The following PYM1 variants were observed in gnomAD, a reference collection of about 807,000 sequenced individuals.
The protein encoded by PYM1 is PYM1 exon junction complex associated factor.
In PYM1, 7 loss-of-function variants were observed where a neutral mutation model predicts 20.7. The ratio of observed to expected loss-of-function variants is 0.34; its 90% CI spans 0.19 to 0.64. The LOEUF is 0.64. Ranked by LOEUF, PYM1 falls within the 30% of genes least tolerant of loss-of-function variation. The pLI is 0.74. For synonymous variants in PYM1, 100 were observed against 99.2 expected (o/e 1.01, Z -0.05); for missense variants, 194 against 250.0 (o/e 0.78, Z 1.51).
chr12:55,905,594 C>A (rs569141030), intron 1 of PYM1, among the ~76,000 whole-genome samples: 8 of 148,996 alleles, frequency 5.4e-5, no homozygotes, highest in South Asian at 2.1e-4. Flanking sequence ...CCTAGCTACC[C>A]GGGAGGCTGA....
Position 55,901,635 on chromosome 12 carries a change from A to C in PYM1, c.*237T>G. 1 of 501,390 alleles carries C rather than the reference A, an allele frequency of 2.0e-6. No individual in the cohort carries two copies. Among genetic ancestry groups the C allele is most frequent in the East Asian group, 3.4e-5 (1 of 29,222 alleles). The allele number at this position is 501,390 out of a possible 1,614,324, so 31.1% of individuals were successfully genotyped here. A position where few individuals can be genotyped will look rare whatever the true frequency, so the allele number is the denominator to read the frequency against. ...AATCAGCAGCAAAGGTACCTGGGGTAGTCACTGAGATTTTGAACACTGGGA... is the reference window on the plus strand; with the variant it reads ...AATCAGCAGCAAAGGTACCTGGGGTCGTCACTGAGATTTTGAACACTGGGA... On this transcript the variant is annotated 3_prime_UTR_variant, in exon 3 of 3. Transcript: ENST00000408946.
intron 1 of PYM1, among the ~76,000 whole-genome samples, chr12:55,915,765 T>C (rs1415227132): frequency 6.6e-6 from 1 of 152,060 alleles, no homozygotes; most frequent in Non-Finnish European, 1.5e-5. Flanking sequence ...GAAAACCTCA[T>C]TTGACACTAA....
intron 1 of PYM1, among the ~76,000 whole-genome samples, chr12:55,913,074 T>C (rs562045812): frequency 6.6e-6 from 1 of 152,360 alleles, no homozygotes; most frequent in East Asian, 1.9e-4. Flanking sequence ...GAATAGACTA[T>C]ATTTGCTTAT....
intron 1 of PYM1, chr12:55,927,176 G>A: frequency 6.4e-7 from 1 of 1,550,562 alleles, no homozygotes; most frequent in Non-Finnish European, 8.7e-7. Flanking sequence ...ACCGGAAGTG[G>A]AGTCCCGATC....
chr12:55,916,424 C>T (rs1270815812), intron 1 of PYM1, among the ~76,000 whole-genome samples: 4 of 152,120 alleles, frequency 2.6e-5, no homozygotes, highest in African/African-American at 9.7e-5. Context: ...CACACCATCG[C>T]ACTGCTGTTC....
intron 2 of PYM1, among the ~76,000 whole-genome samples, chr12:55,902,599 T>A (rs1882714215): frequency 6.6e-6 from 1 of 151,050 alleles, no homozygotes; most frequent in Non-Finnish European, 1.5e-5. Context: ...TGCCTCAGCC[T>A]CCCGGGTAGC....
At chr12:55,926,598 GA>G (rs1883191274) in intron 1 of PYM1, among the ~76,000 whole-genome samples, 1 of 152,170 alleles carries the variant, frequency 6.6e-6, no homozygotes. Flanking sequence ...GAAGATACGG[GA>G]GAGGAAAAGG....
At chr12:55,909,913 C>A (rs183213813) in intron 1 of PYM1, among the ~76,000 whole-genome samples, 1 of 151,948 alleles carries the variant, frequency 6.6e-6, no homozygotes, top group East Asian at 1.9e-4. Flanking sequence ...CAATAAATAG[C>A]GAAAGGTCAG....
chr12:55,905,963 A>AGATATATATATTATATATATCTAT (rs1565714563), intron 1 of PYM1, among the ~76,000 whole-genome samples: 9 of 54,468 alleles, frequency 1.7e-4, no homozygotes, highest in African/African-American at 6.2e-4. Flanking sequence ...TATATATCTA[A>AGATATATATATTATATATATCTAT]TAGATATATA....
chr12:55,901,470 G>T lies in PYM1; in HGVS notation c.*402C>A, dbSNP rs2136254807. The T allele has an allele frequency of 1.3e-5, 2 of 158,276 alleles. No homozygotes were observed. The highest frequency in any genetic ancestry group is 1.4e-5 in the Non-Finnish European group (1 of 73,138). The allele number at this position is 158,276 out of a possible 1,614,324, so 9.8% of individuals were successfully genotyped here. ...CTTTTTTTAAAAAAAAAAAAAAAAT[G>T]AGGGATGGAGAGGGAAATAACCCAT... On this transcript the variant is annotated 3_prime_UTR_variant, in exon 3 of 3. Transcript: ENST00000408946.
In PYM1 at chr12:55,901,946, T is replaced by C. The variant is rs767109883; in HGVS notation, c.541A>G (p.Lys181Glu). 12 of 1,614,152 alleles carry C rather than the reference T, an allele frequency of 7.4e-6. No individual in the cohort carries two copies. Among genetic ancestry groups the C allele is most frequent in the Non-Finnish European group, 1.0e-5 (12 of 1,180,016 alleles). ...IQAGEVSQPSKEQLEKLARRR... is the reference protein window; with the variant it reads ...IQAGEVSQPSEEQLEKLARRR... The stretch of plus-strand genomic sequence containing the variant: ...CTTGCTAGCTTTTCTAGCTGCTCTT[T>C]GCTAGGCTGGCTGACTTCCCCAGCC... Residue 181 changes from lysine (K) to glutamate (E), a missense_variant, in exon 3 of 3, where the codon AAA (lysine) becomes GAA (glutamate). By Grantham distance (56) the Lys-to-Glu change is moderately conservative (BLOSUM62 1). Around this residue, in one of 3 missense-constraint regions of PYM1, gnomAD observed 158 missense variants for 179.0 expected, o/e 0.88. Transcript: ENST00000408946.
intron 1 of PYM1, 79 bp from the exon 2 acceptor site, chr12:55,903,559 A>G: frequency 7.3e-7 from 1 of 1,371,980 alleles, no homozygotes; most frequent in Non-Finnish European, 1.0e-6. Flanking sequence ...GTATAAATGT[A>G]CATACCATCT....
At chr12:55,923,166 G>A (rs1883129670) in intron 1 of PYM1, among the ~76,000 whole-genome samples, 1 of 152,144 alleles carries the variant, frequency 6.6e-6, no homozygotes, top group African/African-American at 2.4e-5. Flanking sequence ...AGAGGTTGCG[G>A]TGAGCTGAGA....
chr12:55,916,322 G>A (rs1328251347), intron 1 of PYM1, among the ~76,000 whole-genome samples: 1 of 151,154 alleles, frequency 6.6e-6, no homozygotes. Flanking sequence ...GTGACAGAGT[G>A]AGACTCCAGC....
intron 1 of PYM1, among the ~76,000 whole-genome samples, chr12:55,909,486 G>A (rs1882882875): frequency 1.3e-5 from 2 of 152,026 alleles, no homozygotes; most frequent in African/African-American, 4.8e-5. Flanking sequence ...AATCCTTTAT[G>A]CGAAGTATTG....
intron 1 of PYM1, chr12:55,927,241 G>A: frequency 1.5e-6 from 2 of 1,322,822 alleles, no homozygotes; most frequent in Non-Finnish European, 2.1e-6. Context: ...CATGGGCGGA[G>A]GTGGAGGAGG....
At chr12:55,905,562 C>T (rs1398231306) in intron 1 of PYM1, among the ~76,000 whole-genome samples, 4 of 149,190 alleles carry the variant, frequency 2.7e-5, no homozygotes, top group Admixed American at 2.1e-4. Context: ...ATTAGCTGGG[C>T]GTGGTGGCAG....
chr12:55,921,333 A>G lies in PYM1; in HGVS notation c.37+6392T>C, dbSNP rs373140008. ...ATAATAATCCTGTGTTGCAGGAGTT[A>G]TTCCAATTTCATTGATGAGAAAACT... is the stretch of plus-strand genomic sequence containing the variant. On this transcript the variant is annotated intron_variant, in intron 1 of 2. Coordinates refer to ENST00000408946, the MANE Select transcript of PYM1 (RefSeq NM_032345.3). Among the ~76,000 whole-genome samples, 107 of 152,332 alleles carry G rather than the reference A, an allele frequency of 7.0e-4. 3 individuals are homozygous for G. The South Asian group carries it at 0.021, about 30-fold the overall frequency.
Position 55,905,854 on chromosome 12 carries a change from A to ATATTAGAGATATATATATC in PYM1, c.38-2375_38-2374insGATATATATATCTCTAATA, listed in dbSNP as rs1882791874. ...TATATATATTAGATATATATATTAT[A>ATATTAGAGATATATATATC]TATTAGATATATATATATCTATTAG... On this transcript the variant is annotated intron_variant, in intron 1 of 2. Transcript: ENST00000408946. Among the ~76,000 whole-genome samples the ATATTAGAGATATATATATC allele has an allele frequency of 8.5e-5, 3 of 35,478 alleles. 1 individual carries two copies. Among genetic ancestry groups the ATATTAGAGATATATATATC allele is most frequent in the African/African-American group, 1.6e-4 (2 of 12,440 alleles). The allele number at this position is 35,478 out of a possible 152,430, so 23.3% of individuals were successfully genotyped here.
Sources: gnomAD v4.1 joint callset for allele counts (sites outside exome capture counted in the v4.1 genomes callset) on GRCh38, gnomAD v4.1.1 for gene constraint, gnomAD v4.1.1 regional missense constraint, MANE v1.5 for transcripts, NCBI Gene and HGNC (gene_info 2026-07-23, HGNC 2026-07-21) for gene names.